The following UCHL5 variants were observed in gnomAD, a reference collection of about 807,000 sequenced individuals.
UCHL5 encodes ubiquitin C-terminal hydrolase L5, also known as ubiquitin carboxyl-terminal hydrolase isozyme L5.
A neutral mutation model predicts 53.8 loss-of-function variants in UCHL5; 34 were observed. The ratio of observed to expected loss-of-function variants is 0.63; its 90% confidence interval spans 0.48 to 0.84. The LOEUF is 0.84. Ranked by LOEUF, UCHL5 falls within the 40% of genes least tolerant of loss-of-function variation. The probability of loss-of-function intolerance (pLI) is 0.00; values close to 1 mark genes in which losing one functional copy is unlikely to be tolerated. For synonymous variants in UCHL5, 111 were observed against 126.3 expected (o/e 0.88, Z 0.81); for missense variants, 290 against 385.6 (o/e 0.75, Z 2.08).
chr1:193,053,119 G>A (rs957508813), intron 1 of UCHL5, among the ~76,000 whole-genome samples: 10 of 152,118 alleles, frequency 6.6e-5, no homozygotes, highest in Non-Finnish European at 1.2e-4. Context: ...TGCGGTGGAG[G>A]AGAACCAGAA....
intron 3 of UCHL5, among the ~76,000 whole-genome samples, chr1:193,030,022 T>C (rs1292238087): frequency 1.3e-5 from 2 of 152,166 alleles, no homozygotes; most frequent in Non-Finnish European, 2.9e-5. Context: ...TCAAATTCAA[T>C]TAGTATTTTA....
chr1:193,015,086 T>C lies in UCHL5; in HGVS notation c.*1265A>G, dbSNP rs965876849. 6.6e-6 allele frequency: 1 copy of C among 152,066 alleles called. No homozygotes were observed. Among genetic ancestry groups the C allele is most frequent in the African/African-American group, 2.4e-5 (1 of 41,428 alleles). The allele number at this position is 152,066 out of a possible 1,614,324, so 9.4% of individuals were successfully genotyped here. On this transcript the variant is annotated 3_prime_UTR_variant, in exon 11 of 11. Transcript: ENST00000367454. ...ATTTTCCATTACCTCCAACTGAAATTATGTATGAAAAATATTTCATTCGTT... is the reference window on the plus strand; with the variant it reads ...ATTTTCCATTACCTCCAACTGAAATCATGTATGAAAAATATTTCATTCGTT...
At chr1:193,019,849 T>G (rs1238371289) in intron 10 of UCHL5, 1 of 954,842 alleles carries the variant, frequency 1.0e-6, no homozygotes, top group Non-Finnish European at 1.2e-6. Context: ...TTAATATTTA[T>G]CTAAGGGTCC....
chr1:193,056,139 T>G (rs1354106699), intron 1 of UCHL5, among the ~76,000 whole-genome samples: 1 of 152,190 alleles, frequency 6.6e-6, no homozygotes, highest in Admixed American at 6.5e-5. Context: ...AATTTGTACA[T>G]TTCATCTAAA....
At position 193,017,458 on chromosome 1, in the gene UCHL5, AAAT is replaced by A. The variant is rs1321899903; in HGVS notation, c.943-1066_943-1064del. On this transcript the variant is annotated intron_variant, in intron 10 of 10. Transcript: ENST00000367454. Reference sequence around the variant, plus strand: ...GCAAATAGTCTGTGTGTCATATTAAAAATAATAAAGTTAATTGCCAACATCAAC... The same window carrying A: ...GCAAATAGTCTGTGTGTCATATTAAAAATAAAGTTAATTGCCAACATCAAC... 5.3e-5 allele frequency among the ~76,000 whole-genome samples: 8 copies of A among 151,872 alleles called. No individual in the cohort carries two copies. In the East Asian group the frequency reaches 1.5e-3, roughly 29 times the overall value.
Position 193,020,287 on chromosome 1 carries a change from A to G in UCHL5, c.942+810T>C. 4 of 1,531,938 alleles carry G rather than the reference A, an allele frequency of 2.6e-6. 1 individual carries two copies. Among genetic ancestry groups the G allele is most frequent in the Non-Finnish European group, 3.5e-6 (4 of 1,137,446 alleles). 94.9% of individuals were successfully genotyped at this position (1,531,938 alleles called of 1,614,324 possible). On this transcript the variant is annotated intron_variant, in intron 10 of 10. Transcript: ENST00000367454. ...TCTTTGCTTTGTAAACTTTAAAATT[A>G]ATAAGGAAAATATACCTACCATGTA...
chr1:193,059,707 C>T (rs1321081188), upstream of UCHL5: 2 of 1,353,492 alleles, frequency 1.5e-6, no homozygotes, highest in Non-Finnish European at 2.0e-6. The surrounding 1 kb of genome is among the most constrained non-coding windows in gnomAD (Gnocchi z 4.9). Context: ...CTTCTTTTGT[C>T]GTTTCCCAGC....
Position 193,053,779 on chromosome 1 carries a change from G to C in UCHL5, c.77-1962C>G, listed in dbSNP as rs991917851. ...TATATTAAATAAAAAGTTGAGGAGG[G>C]GGGAAGGTTTTAAAATGGTATTTAC... On this transcript the variant is annotated intron_variant, in intron 1 of 10. Coordinates refer to ENST00000367454, the MANE Select transcript of UCHL5 (RefSeq NM_001199261.3). Among the ~76,000 whole-genome samples, 24 of 152,218 alleles carry C rather than the reference G, an allele frequency of 1.6e-4. No individual in the cohort carries two copies. The East Asian group carries it at 4.4e-3, about 28-fold the overall frequency.
chr1:193,027,371 A>T (rs547177652), intron 7 of UCHL5, among the ~76,000 whole-genome samples: 12 of 152,328 alleles, frequency 7.9e-5, no homozygotes, highest in Admixed American at 1.3e-4. Context: ...TCTACAAAAT[A>T]ACTGTCAATT....
chr1:193,052,164 C>A (rs753258022), intron 1 of UCHL5, among the ~76,000 whole-genome samples: 1 of 151,988 alleles, frequency 6.6e-6, no homozygotes, highest in African/African-American at 2.4e-5. Flanking sequence ...TTTTTTCTTA[C>A]TCTATACTTT....
chr1:193,032,363 T>C (rs138368345), intron 3 of UCHL5, among the ~76,000 whole-genome samples: 1 of 152,276 alleles, frequency 6.6e-6, no homozygotes, highest in African/African-American at 2.4e-5. Context: ...TTACACCATA[T>C]ATAAAAATTA....
At chr1:193,059,466 A>G (rs1178571331), upstream of UCHL5, 1 of 1,607,804 alleles carries the variant, frequency 6.2e-7, no homozygotes, top group Admixed American at 1.7e-5. The surrounding 1 kb of genome is among the most constrained non-coding windows in gnomAD (Gnocchi z 4.9). Flanking sequence ...AGACATCGAA[A>G]CTCTTCCCAG....
intron 3 of UCHL5, among the ~76,000 whole-genome samples, chr1:193,039,504 T>C (rs1664799417): frequency 6.6e-6 from 1 of 152,138 alleles, no homozygotes; most frequent in Admixed American, 6.5e-5. Flanking sequence ...GATGAAGAGT[T>C]CACCAAAAAC....
chr1:193,058,991 A>T (rs4657842), intron 1 of UCHL5, among the ~76,000 whole-genome samples, 194 bp downstream of exon 1: 110,883 of 152,074 alleles, frequency 0.73, 40,782 homozygotes, highest in Non-Finnish European at 0.77. Context: ...GTGTGGCTCT[A>T]CAAATTACTG....
At chr1:193,044,451 G>A (rs1666726195) in intron 3 of UCHL5, among the ~76,000 whole-genome samples, 1 of 152,072 alleles carries the variant, frequency 6.6e-6, no homozygotes, top group African/African-American at 2.4e-5. Context: ...AGGGAGAACA[G>A]TTATCAAAAT....
chr1:193,051,128 AC>A (rs1215890643), intron 2 of UCHL5, among the ~76,000 whole-genome samples: 1 of 152,018 alleles, frequency 6.6e-6, no homozygotes, highest in African/African-American at 2.4e-5. Context: ...AGATTCCCTG[AC>A]CCCATTCCAG....
At chr1:193,059,913 C>T (rs761410233), upstream of UCHL5, 1 of 1,366,000 alleles carries the variant, frequency 7.3e-7, no homozygotes. The surrounding 1 kb of genome is among the most constrained non-coding windows in gnomAD (Gnocchi z 4.9). Context: ...TATCGCTCTT[C>T]CCCGTCCCGC....
chr1:193,049,328 G>A (rs1338017144), intron 3 of UCHL5, among the ~76,000 whole-genome samples: 5 of 152,214 alleles, frequency 3.3e-5, no homozygotes, highest in East Asian at 1.9e-4. Context: ...GCAGGAGAAC[G>A]GCTTGAACCT....
rs903935770 is a variant in UCHL5 at position 193,018,641 on chromosome 1, T to C, written c.943-2246A>G. The C allele has an allele frequency of 1.8e-5, 23 of 1,254,928 alleles. No individual in the cohort carries two copies. The East Asian group carries it at 5.6e-4, about 30-fold the overall frequency. 77.7% of individuals were successfully genotyped at this position (1,254,928 alleles called of 1,614,324 possible). A position where few individuals can be genotyped will look rare whatever the true frequency, so the allele number is the denominator to read the frequency against. On this transcript the variant is annotated intron_variant, in intron 10 of 10. Coordinates refer to ENST00000367454, the MANE Select transcript of UCHL5 (RefSeq NM_001199261.3). ...CACTTTTTATTTATTATTTTGCAAATAAAAAGATTTTAGGTCAAATACTTT... is the reference window on the plus strand; with the variant it reads ...CACTTTTTATTTATTATTTTGCAAACAAAAAGATTTTAGGTCAAATACTTT...
Sources: allele counts gnomAD v4.1 joint callset (sites outside exome capture counted in the v4.1 genomes callset), GRCh38; gene constraint gnomAD v4.1.1; non-coding constraint Gnocchi (gnomAD v3.1); transcripts MANE v1.5; gene names NCBI Gene and HGNC (gene_info 2026-07-23, HGNC 2026-07-21).